TAFA1: variants seen among roughly 807,000 people sequenced by gnomAD.
TAFA1 encodes chemokine-like protein TAFA-1.
In TAFA1, 4 loss-of-function variants were observed where a neutral mutation model predicts 18.5. That is an observed-to-expected ratio of 0.22 (90% CI 0.11 to 0.49). The LOEUF (loss-of-function observed/expected upper bound fraction) is 0.49. Ranked by LOEUF, TAFA1 falls within the 20% of genes least tolerant of loss-of-function variation. TAFA1 has a pLI of 0.98. For missense variants in TAFA1, 147 were observed against 169.0 expected (o/e 0.87, Z 0.72); for synonymous variants, 56 against 55.2 (o/e 1.01, Z -0.06).
rs115751848 is a variant in TAFA1, at chr3:68,236,093, A to G, written c.119-181187A>G. Among the ~76,000 whole-genome samples the G allele has an allele frequency of 2.4e-3, 367 of 152,180 alleles. 2 individuals are homozygous for G. The highest frequency in any genetic ancestry group is 8.6e-3 in the African/African-American group (357 of 41,540). ...TTGAGAGTAAAACTACCACAACACT[A>G]CCCACCTGGGTCACTCTACCTTGTT... is the stretch of plus-strand genomic sequence containing the variant. On this transcript the variant is annotated intron_variant, in intron 2 of 4. Coordinates refer to ENST00000478136, the MANE Select transcript of TAFA1 (RefSeq NM_213609.4).
At chr3:68,275,804 G>A (rs556442411) in intron 2 of TAFA1, among the ~76,000 whole-genome samples, 1 of 151,944 alleles carries the variant, frequency 6.6e-6, no homozygotes, top group African/African-American at 2.4e-5. Flanking sequence ...AGAAAGAAAT[G>A]GTTAACTGGA....
At chr3:68,125,044 A>T (rs770818532) in intron 2 of TAFA1, among the ~76,000 whole-genome samples, 10 of 152,342 alleles carry the variant, frequency 6.6e-5, no homozygotes, top group Middle Eastern at 6.8e-3. Context: ...AGACATGAAA[A>T]GGATGCATAT....
intron 2 of TAFA1, among the ~76,000 whole-genome samples, chr3:68,299,030 T>C (rs972387858): frequency 5.3e-5 from 8 of 152,120 alleles, no homozygotes; most frequent in Admixed American, 1.3e-4. Flanking sequence ...TGGAACTTCC[T>C]AGAGTTTGTT....
At chr3:68,241,359 C>T (rs2066996923) in intron 2 of TAFA1, among the ~76,000 whole-genome samples, 1 of 151,988 alleles carries the variant, frequency 6.6e-6, no homozygotes, top group Non-Finnish European at 1.5e-5. Context: ...TGAGATTAGC[C>T]CAATTACCTT....
intron 2 of TAFA1, among the ~76,000 whole-genome samples, chr3:68,269,835 T>G (rs1163270198): frequency 6.6e-6 from 1 of 152,220 alleles, no homozygotes; most frequent in Non-Finnish European, 1.5e-5. Context: ...CCAACCAATT[T>G]GAAGGATTCT....
At chr3:68,279,703 C>T (rs557113492) in intron 2 of TAFA1, among the ~76,000 whole-genome samples, 14 of 152,022 alleles carry the variant, frequency 9.2e-5, no homozygotes, top group East Asian at 3.9e-4. Context: ...ATAGAAATGC[C>T]AAGGAGATAG....
intron 2 of TAFA1, among the ~76,000 whole-genome samples, chr3:68,341,812 G>A (rs1009796632): frequency 6.6e-6 from 1 of 152,168 alleles, no homozygotes; most frequent in African/African-American, 2.4e-5. Flanking sequence ...CCGAAGTAAA[G>A]GTTAGAGATA....
At chr3:68,071,903 G>A (rs1235514512) in intron 2 of TAFA1, among the ~76,000 whole-genome samples, 2 of 151,882 alleles carry the variant, frequency 1.3e-5, no homozygotes, top group Admixed American at 6.6e-5. Context: ...AGCCATGAGG[G>A]ATCCGCCCCC....
rs368703190 is a variant in TAFA1, at chr3:68,182,886, G to A, written c.118+176142G>A. Among the ~76,000 whole-genome samples the A allele has an allele frequency of 3.3e-5, 5 of 152,244 alleles. No homozygotes were observed. The South Asian group carries it at 1.0e-3, about 32-fold the overall frequency. The stretch of plus-strand genomic sequence containing the variant: ...TATGCATATGGTGGTGATAAGAATA[G>A]GTTGGATTGCATTGAAAATATAATA... On this transcript the variant is annotated intron_variant, in intron 2 of 4. Coordinates refer to ENST00000478136, the MANE Select transcript of TAFA1 (RefSeq NM_213609.4).
At chr3:68,417,673 A>T (rs1414657102) in intron 3 of TAFA1, 3 of 448,822 alleles carry the variant, frequency 6.7e-6, no homozygotes, top group Non-Finnish European at 1.2e-5. Context: ...GACCTTTGAG[A>T]GGTGACTGGG....
chr3:68,481,927 T>G (rs1428075475), intron 3 of TAFA1, among the ~76,000 whole-genome samples: 1 of 152,224 alleles, frequency 6.6e-6, no homozygotes, highest in Non-Finnish European at 1.5e-5. Context: ...AAATTCACCC[T>G]ACTAGAGTAA....
At chr3:68,366,892 A>G (rs1248551153) in intron 2 of TAFA1, among the ~76,000 whole-genome samples, 1 of 152,226 alleles carries the variant, frequency 6.6e-6, no homozygotes, top group Non-Finnish European at 1.5e-5. Flanking sequence ...CTGTCTATCT[A>G]GAGCCTGATC....
intron 2 of TAFA1, among the ~76,000 whole-genome samples, chr3:68,036,209 G>T (rs1005253590): frequency 6.6e-6 from 1 of 152,248 alleles, no homozygotes; most frequent in East Asian, 1.9e-4. Context: ...GGGAGGCCAA[G>T]GTGGGTGGAT....
At chr3:68,458,400 C>T (rs896148482) in intron 3 of TAFA1, among the ~76,000 whole-genome samples, 1 of 152,162 alleles carries the variant, frequency 6.6e-6, no homozygotes, top group Non-Finnish European at 1.5e-5. Flanking sequence ...CATATCTGGT[C>T]TTATTCTACT....
At chr3:68,489,362 A>G (rs1027163717) in intron 3 of TAFA1, among the ~76,000 whole-genome samples, 7 of 152,308 alleles carry the variant, frequency 4.6e-5, no homozygotes, top group African/African-American at 1.7e-4. Flanking sequence ...AAAAGTCTGA[A>G]AGCCATATTT....
At chr3:68,325,759 C>T (rs1491743) in intron 2 of TAFA1, among the ~76,000 whole-genome samples, 117,706 of 152,082 alleles carry the variant, frequency 0.77, 45,643 homozygotes, top group East Asian at 0.92. Context: ...ATAGCTGGCA[C>T]GTATTAAATT....
intron 3 of TAFA1, among the ~76,000 whole-genome samples, chr3:68,469,456 C>T (rs1318576040): frequency 1.3e-5 from 2 of 152,096 alleles, no homozygotes; most frequent in African/African-American, 2.4e-5. Context: ...GGGTGGATCA[C>T]GAAGTCAGGA....
At chr3:68,489,197 A>G (rs190262632) in intron 3 of TAFA1, among the ~76,000 whole-genome samples, 8 of 152,334 alleles carry the variant, frequency 5.3e-5, no homozygotes, top group Admixed American at 5.2e-4. Context: ...TTGCAGACTC[A>G]GATTGCTTTG....
At chr3:68,128,427 TAAGTAGAC>T (rs1429143173) in intron 2 of TAFA1, among the ~76,000 whole-genome samples, 1 of 152,184 alleles carries the variant, frequency 6.6e-6, no homozygotes, top group East Asian at 1.9e-4. Context: ...ACAATTTCAT[TAAGTAGAC>T]AAGTAACTCA....
Sources: gnomAD v4.1 joint callset for allele counts (sites outside exome capture counted in the v4.1 genomes callset) on GRCh38, gnomAD v4.1.1 for gene constraint, MANE v1.5 for transcripts, NCBI Gene and HGNC (gene_info 2026-07-23, HGNC 2026-07-21) for gene names.